MYO5C: variants seen among roughly 807,000 people sequenced by gnomAD.
MYO5C encodes unconventional myosin-Vc.
MYO5C carries 194 observed loss-of-function variants against 235.7 expected under a neutral mutation model. The observed-to-expected ratio is 0.82, with a 90% CI of 0.73 to 0.93. MYO5C has a LOEUF of 0.93. Ranked by LOEUF, MYO5C falls within the 40% of genes least tolerant of loss-of-function variation. The probability of loss-of-function intolerance (pLI) is 0.00; values close to 1 mark genes in which losing one functional copy is unlikely to be tolerated. For synonymous variants in MYO5C, 707 were observed against 754.8 expected, an observed-to-expected ratio of 0.94 and a Z score of 1.04; for missense variants, 2,038 against 2,127.2, an observed-to-expected ratio of 0.96 and a Z score of 0.82.
In MYO5C at chr15:52,256,654, T is replaced by C. The variant is rs374519692; in HGVS notation, c.1380A>G (p.Gln460=). The change falls in exon 11 of 41, where the codon CAA becomes CAG. Residue 460 remains glutamine, a synonymous_variant. Coordinates refer to ENST00000261839, the MANE Select transcript of MYO5C (RefSeq NM_018728.4). ...GGTCACCTACCATGTTAAACTGTTGTTGCAGTTTTTCATTAGCGTAATTGA... is the reference window on the plus strand; with the variant it reads ...GGTCACCTACCATGTTAAACTGTTGCTGCAGTTTTTCATTAGCGTAATTGA... ...FCINYANEKL[Q]QQFNMHVFKL... The C allele has an allele frequency of 2.0e-5, 32 of 1,605,844 alleles. No individual in the cohort carries two copies. Among genetic ancestry groups the C allele is most frequent in the Non-Finnish European group, 2.1e-5 (25 of 1,175,974 alleles).
intron 1 of MYO5C, among the ~76,000 whole-genome samples, chr15:52,293,480 AC>A (rs934572639): frequency 6.6e-6 from 1 of 150,982 alleles, no homozygotes; most frequent in Non-Finnish European, 1.5e-5. Flanking sequence ...AAGCCCCCTC[AC>A]CCCTTCAACC....
At chr15:52,256,527 T>C (rs1029896800) in intron 11 of MYO5C, 112 bp downstream of exon 11, 1 of 734,666 alleles carries the variant, frequency 1.4e-6, no homozygotes, top group Non-Finnish European at 2.3e-6. Flanking sequence ...CATAAAAATT[T>C]GCAACCTCAA....
In MYO5C at chr15:52,195,427, T is replaced by C; in HGVS notation, c.5026A>G (p.Ile1676Val). The C allele has an allele frequency of 6.2e-7, 1 of 1,613,234 alleles. No homozygotes were observed. The highest frequency in any genetic ancestry group is 8.5e-7 in the Non-Finnish European group (1 of 1,179,490). The change falls in exon 40 of 41, where the codon ATA becomes GTA. Residue 1676 changes from isoleucine (I) to valine (V), a missense_variant. Coordinates refer to ENST00000261839, the MANE Select transcript of MYO5C (RefSeq NM_018728.4). ...IIKILNSYTP[I>V]DDFEKRVTPS... ...GTCACTCTCTTCTCAAAGTCATCTA[T>C]AGGTGTGTATGAATTAAGGATCTTT... is the stretch of plus-strand genomic sequence containing the variant.
chr15:52,280,552 C>T (rs2037144793), intron 2 of MYO5C, among the ~76,000 whole-genome samples: 1 of 152,182 alleles, frequency 6.6e-6, no homozygotes, highest in Non-Finnish European at 1.5e-5. Flanking sequence ...AGCAGGTTAC[C>T]CAGCATGCTT....
At chr15:52,203,749 A>G (rs1340711350) in intron 38 of MYO5C, among the ~76,000 whole-genome samples, 1 of 151,648 alleles carries the variant, frequency 6.6e-6, no homozygotes, top group East Asian at 1.9e-4. Flanking sequence ...TTTTTTTTGT[A>G]CCCATTAACC....
chr15:52,281,589 G>A (rs1240797402), intron 2 of MYO5C, among the ~76,000 whole-genome samples: 2 of 152,216 alleles, frequency 1.3e-5, no homozygotes, highest in Non-Finnish European at 2.9e-5. Context: ...CTTCAAACAT[G>A]CACACAGGAT....
In MYO5C at chr15:52,264,678, A is replaced by AT; in HGVS notation, c.941-383dup. Among the ~76,000 whole-genome samples the AT allele has an allele frequency of 1.3e-5, 2 of 152,100 alleles. 1 individual carries two copies. The highest frequency in any genetic ancestry group is 2.9e-5 in the Non-Finnish European group (2 of 68,014). ...ATCCCTGAATTATTTTTTAGGTGGG[A>AT]TTGCTGGAGGGATTCCGTTTGCCCC... On this transcript the variant is annotated intron_variant, in intron 8 of 40. Coordinates refer to ENST00000261839, the MANE Select transcript of MYO5C (RefSeq NM_018728.4).
intron 22 of MYO5C, 90 bp downstream of exon 22, chr15:52,237,392 A>T: frequency 6.8e-7 from 1 of 1,473,726 alleles, no homozygotes; most frequent in Non-Finnish European, 9.1e-7. Flanking sequence ...TGCTCTGCAG[A>T]AATCCACTTC....
chr15:52,200,978 T>C (rs961693083), intron 38 of MYO5C, among the ~76,000 whole-genome samples: 8 of 152,092 alleles, frequency 5.3e-5, no homozygotes, highest in African/African-American at 1.9e-4. Context: ...TTAACAGAGA[T>C]TATCCAATCT....
In MYO5C at chr15:52,275,896, A is replaced by T. The variant is rs3751627; in HGVS notation, c.450-178T>A. On this transcript the variant is annotated intron_variant, in intron 4 of 40. Coordinates refer to ENST00000261839, the MANE Select transcript of MYO5C (RefSeq NM_018728.4). The stretch of plus-strand genomic sequence containing the variant: ...TTCTATGTGATCGTGCAGAACACAC[A>T]ATTTTAAAAGTTCACATCTTTCATC... 2.6e-5 allele frequency among the ~76,000 whole-genome samples: 4 copies of T among 152,246 alleles called. No homozygotes were observed. In the East Asian group the frequency reaches 7.7e-4, roughly 29 times the overall value.
intron 13 of MYO5C, 107 bp from the exon 14 acceptor site, chr15:52,248,890 G>A: frequency 1.3e-6 from 1 of 774,392 alleles, no homozygotes; most frequent in Non-Finnish European, 2.1e-6. Flanking sequence ...AGGCTACAGA[G>A]GCAATCTTAC....
intron 1 of MYO5C, among the ~76,000 whole-genome samples, chr15:52,288,095 G>A (rs1023569040): frequency 1.3e-5 from 2 of 152,190 alleles, no homozygotes; most frequent in Non-Finnish European, 2.9e-5. Flanking sequence ...CCTGGGCTCT[G>A]AGAAGTAATG....
chr15:52,280,999 A>G (rs191237689), intron 2 of MYO5C, among the ~76,000 whole-genome samples: 97 of 152,326 alleles, frequency 6.4e-4, no homozygotes, highest in African/African-American at 2.0e-3. Context: ...CCTGTTACCA[A>G]TGCAATTGTA....
chr15:52,293,261 C>T lies in MYO5C; in HGVS notation c.27+2349G>A, dbSNP rs141762353. On this transcript the variant is annotated intron_variant, in intron 1 of 40. Coordinates refer to ENST00000261839, the MANE Select transcript of MYO5C (RefSeq NM_018728.4). ...TGTTAGCTCCTCCTCTGGATGGCTC[C>T]ATCTCAGCCCTTCTGCTTCCTCTCA... Among the ~76,000 whole-genome samples the T allele has an allele frequency of 4.1e-4, 63 of 152,240 alleles. No homozygotes were observed. The East Asian group carries it at 5.6e-3, about 14-fold the overall frequency.
At chr15:52,284,268 G>A (rs2037217869) in intron 1 of MYO5C, among the ~76,000 whole-genome samples, 1 of 151,270 alleles carries the variant, frequency 6.6e-6, no homozygotes, top group Non-Finnish European at 1.5e-5. Context: ...CCCATAAAAG[G>A]AATGAACTAC....
At chr15:52,214,003 A>G (rs1235970996) in intron 33 of MYO5C, among the ~76,000 whole-genome samples, 1 of 152,242 alleles carries the variant, frequency 6.6e-6, no homozygotes, top group East Asian at 1.9e-4. Context: ...TGAATATAGA[A>G]AAAGAAACAA....
At chr15:52,202,696 G>C (rs754648137) in intron 38 of MYO5C, among the ~76,000 whole-genome samples, 3 of 152,148 alleles carry the variant, frequency 2.0e-5, no homozygotes, top group Non-Finnish European at 2.9e-5. Flanking sequence ...GATCTGCAAA[G>C]ACTAGTCCTT....
At chr15:52,261,856 T>C (rs1427071471) in intron 9 of MYO5C, among the ~76,000 whole-genome samples, 1 of 152,114 alleles carries the variant, frequency 6.6e-6, no homozygotes, top group African/African-American at 2.4e-5. Flanking sequence ...GCAGGAGAAC[T>C]CCCAAGGCAG....
rs146807612 is a variant in MYO5C, at chr15:52,238,442, G to T, written c.2704-796C>A. ...TGAGGGAAACCCCACCAGACACCAA[G>T]TCTATTTCTTCACCCACTCACCCTT... On this transcript the variant is annotated intron_variant, in intron 21 of 40. Transcript: ENST00000261839. Among the ~76,000 whole-genome samples, 6 of 152,232 alleles carry T rather than the reference G, an allele frequency of 3.9e-5. No individual in the cohort carries two copies. In the East Asian group the frequency reaches 1.2e-3, roughly 29 times the overall value.
Sources: allele counts gnomAD v4.1 joint callset (sites outside exome capture counted in the v4.1 genomes callset), GRCh38; gene constraint gnomAD v4.1.1; transcripts MANE v1.5; gene names NCBI Gene and HGNC (gene_info 2026-07-23, HGNC 2026-07-21).